BACH2: variants seen among roughly 807,000 people sequenced by gnomAD.
The protein encoded by BACH2 is BACH transcriptional regulator 2.
In BACH2, 5 loss-of-function variants were observed where a neutral mutation model predicts 61.8. The observed-to-expected ratio is 0.08, with a 90% CI of 0.04 to 0.17. The LOEUF is 0.17. BACH2 is among the 10% of genes least tolerant of loss of function. The probability of loss-of-function intolerance (pLI) is 1.00; values close to 1 mark genes in which losing one functional copy is unlikely to be tolerated. For missense variants in BACH2, 824 were observed against 1,091.1 expected, an observed-to-expected ratio of 0.76 and a Z score of 3.45; for synonymous variants, 446 against 440.1, an observed-to-expected ratio of 1.01 and a Z score of -0.17.
intron 4 of BACH2, among the ~76,000 whole-genome samples, chr6:90,108,616 C>T (rs1783029132): frequency 6.6e-6 from 1 of 152,156 alleles, no homozygotes; most frequent in African/African-American, 2.4e-5. Context: ...ACAGAGGATG[C>T]TACCTCACAA....
intron 1 of BACH2, among the ~76,000 whole-genome samples, chr6:90,294,428 C>A (rs1221568088): frequency 6.6e-6 from 1 of 152,080 alleles, no homozygotes. Context: ...TGGAAATGGG[C>A]AATCAATAAA....
intron 3 of BACH2, among the ~76,000 whole-genome samples, chr6:90,236,813 C>G (rs763883640): frequency 1.3e-5 from 2 of 152,194 alleles, no homozygotes; most frequent in Non-Finnish European, 2.9e-5. Flanking sequence ...TCAGCTACTT[C>G]TTGAAAGAAC....
chr6:90,054,238 G>A (rs955550682), intron 5 of BACH2, among the ~76,000 whole-genome samples: 6 of 152,160 alleles, frequency 3.9e-5, no homozygotes, highest in East Asian at 1.9e-4. Context: ...GGTGACAGAC[G>A]GCACCTGGAA....
chr6:90,193,462 G>A (rs771291166), intron 4 of BACH2, among the ~76,000 whole-genome samples: 8 of 152,116 alleles, frequency 5.3e-5, no homozygotes, highest in Non-Finnish European at 8.8e-5. Flanking sequence ...CTCACAGTCC[G>A]CAGAAGAAAC....
Position 90,023,633 on chromosome 6 carries a change from C to T in BACH2, c.-12-14777G>A, listed in dbSNP as rs1778493268. Among the ~76,000 whole-genome samples, 10 of 152,136 alleles carry T rather than the reference C, an allele frequency of 6.6e-5. No homozygotes were observed. The South Asian group carries it at 1.9e-3, about 28-fold the overall frequency. On this transcript the variant is annotated intron_variant, in intron 5 of 8. Transcript: ENST00000257749. Reference sequence around the variant, plus strand: ...GGAGTAAATGTGTCCTCTCAAAATTCGTATGTGGAAATCCTAATCCCCAGT... The same window carrying T: ...GGAGTAAATGTGTCCTCTCAAAATTTGTATGTGGAAATCCTAATCCCCAGT...
intron 7 of BACH2, among the ~76,000 whole-genome samples, chr6:89,940,541 G>C (rs1239233004): frequency 1.3e-5 from 2 of 152,206 alleles, no homozygotes; most frequent in Non-Finnish European, 2.9e-5. Context: ...GAATAAAAAG[G>C]TTGTGTGCTG....
chr6:89,950,325 C>T lies in BACH2; in HGVS notation c.1781G>A (p.Gly594Glu). The T allele has an allele frequency of 6.2e-7, 1 of 1,614,142 alleles. No homozygotes were observed. The highest frequency in any genetic ancestry group is 8.5e-7 in the Non-Finnish European group (1 of 1,180,036). The change falls in exon 7 of 9, where the codon GGA becomes GAA. Residue 594 changes from glycine to glutamate, a missense_variant. By Grantham distance (98) the Gly-to-Glu change is moderately conservative (BLOSUM62 -2). Coordinates refer to ENST00000257749, the MANE Select transcript of BACH2 (RefSeq NM_021813.4). This position sits in a 1 kb window ranked among gnomAD's most constrained non-coding sequence, Gnocchi z 5.3. ...CTCACTGTCTGCTTCCGAGAACGAT[C>T]CGGATTCGTCACTGGAGTTGGTTCC... ...SYGTNSSDES[G>E]SFSEADSESC...
intron 5 of BACH2, among the ~76,000 whole-genome samples, chr6:90,067,818 A>C (rs530948210): frequency 6.6e-6 from 1 of 152,224 alleles, no homozygotes; most frequent in South Asian, 2.1e-4. Flanking sequence ...GTTCTTTCTA[A>C]AAGACTATGC....
intron 5 of BACH2, among the ~76,000 whole-genome samples, chr6:90,021,230 C>A (rs1388424456): frequency 6.7e-6 from 1 of 149,196 alleles, no homozygotes. Flanking sequence ...ACTCTTCATT[C>A]ATTATCGGGT....
intron 4 of BACH2, among the ~76,000 whole-genome samples, chr6:90,151,305 GAC>G (rs1257488316): frequency 1.3e-5 from 2 of 151,866 alleles, no homozygotes; most frequent in Non-Finnish European, 2.9e-5. Flanking sequence ...ATTTTTTTGA[GAC>G]AGAGTCTTGC....
At chr6:90,090,990 G>A (rs1782137200) in intron 4 of BACH2, among the ~76,000 whole-genome samples, 1 of 152,086 alleles carries the variant, frequency 6.6e-6, no homozygotes, top group South Asian at 2.1e-4. Context: ...CCAATGCCAG[G>A]TCCTTGTATG....
At chr6:90,245,236 T>C (rs768943150) in intron 3 of BACH2, among the ~76,000 whole-genome samples, 2 of 151,796 alleles carry the variant, frequency 1.3e-5, no homozygotes, top group Admixed American at 1.3e-4. Context: ...TTAAGTAAAC[T>C]GATGAAAATT....
rs56777149 is a variant in BACH2, at chr6:90,140,248, T to C, written c.-161-51139A>G. ...TGGCCAGTGAGGCTGGGAAACACAA[T>C]TTTGGTTAGCAGCTCAACTATACAA... On this transcript the variant is annotated intron_variant, in intron 4 of 8. Transcript: ENST00000257749. Among the ~76,000 whole-genome samples, 923 of 152,278 alleles carry C rather than the reference T, an allele frequency of 6.1e-3. 14 individuals carry two copies. Among genetic ancestry groups the C allele is most frequent in the African/African-American group, 0.021 (881 of 41,554 alleles).
intron 4 of BACH2, among the ~76,000 whole-genome samples, chr6:90,118,710 C>T (rs1783503101): frequency 6.6e-6 from 1 of 152,104 alleles, no homozygotes. Context: ...CCATATTAAG[C>T]CAACAGGGTC....
chr6:90,048,412 C>T (rs1324732355), intron 5 of BACH2, among the ~76,000 whole-genome samples: 3 of 152,162 alleles, frequency 2.0e-5, no homozygotes, highest in Admixed American at 2.0e-4. Context: ...TTCATGCTGC[C>T]ATGGCATGTC....
chr6:90,256,007 C>G (rs1467049524), intron 2 of BACH2, among the ~76,000 whole-genome samples: 1 of 152,154 alleles, frequency 6.6e-6, no homozygotes, highest in Non-Finnish European at 1.5e-5. Context: ...CCAAGTTTTC[C>G]TTTTAAAACT....
chr6:90,071,594 C>T (rs1487484374), intron 5 of BACH2, among the ~76,000 whole-genome samples: 1 of 152,206 alleles, frequency 6.6e-6, no homozygotes, highest in Admixed American at 6.5e-5. Flanking sequence ...CAATTCCTTT[C>T]TTCAGCCTTT....
At chr6:90,186,324 G>A (rs1292528555) in intron 4 of BACH2, among the ~76,000 whole-genome samples, 6 of 152,134 alleles carry the variant, frequency 3.9e-5, no homozygotes, top group African/African-American at 1.4e-4. Context: ...ATCCAATGAA[G>A]CGGCTTCCAT....
intron 4 of BACH2, among the ~76,000 whole-genome samples, chr6:90,205,100 T>C (rs555242650): frequency 1.6e-4 from 25 of 152,306 alleles, no homozygotes; most frequent in Middle Eastern, 3.4e-3. Flanking sequence ...CCCAGGGCCC[T>C]TCGTGCCCAT....
Sources: allele counts gnomAD v4.1 joint callset (sites outside exome capture counted in the v4.1 genomes callset), GRCh38; gene constraint gnomAD v4.1.1; non-coding constraint Gnocchi (gnomAD v3.1); transcripts MANE v1.5; gene names NCBI Gene and HGNC (gene_info 2026-07-23, HGNC 2026-07-21).